Variants in KCTD14 observed in about 807,000 individuals in gnomAD.
The protein encoded by KCTD14 is BTB/POZ domain-containing protein KCTD14.
Under a neutral mutation model 5.9 loss-of-function variants are expected in KCTD14, and 7 were observed. The ratio of observed to expected loss-of-function variants is 1.19; its 90% CI spans 0.68 to 2.23. The LOEUF (loss-of-function observed/expected upper bound fraction) is 2.23. Among genes scored for constraint, KCTD14 ranks in the 30% most tolerant of loss-of-function variants. The pLI is 0.00. For missense variants in KCTD14, 342 were observed against 332.2 expected (o/e 1.03, Z -0.23); for synonymous variants, 140 against 133.1 (o/e 1.05, Z -0.36).
In KCTD14 at chr11:78,037,732, T is replaced by C. The variant is rs576326935; in HGVS notation, c.-1+932A>G. Reference sequence around the variant, plus strand: ...TGCTCGGGAGGCTGAGGCACGACAATCGCTTGAACCCGGGAGGCAGAGGTT... The same window carrying C: ...TGCTCGGGAGGCTGAGGCACGACAACCGCTTGAACCCGGGAGGCAGAGGTT... On this transcript the variant is annotated intron_variant, in intron 2 of 2. Coordinates refer to the KCTD14 transcript ENST00000533144. Among the ~76,000 whole-genome samples, 209 of 151,998 alleles carry C rather than the reference T, an allele frequency of 1.4e-3. 1 individual carries two copies. The highest frequency in any genetic ancestry group is 2.3e-3 in the Non-Finnish European group (158 of 67,958).
At chr11:78,034,290 T>C (rs1857724076) in intron 2 of KCTD14, among the ~76,000 whole-genome samples, 1 of 152,088 alleles carries the variant, frequency 6.6e-6, no homozygotes, top group Admixed American at 6.6e-5. Flanking sequence ...GCCTGGCTAG[T>C]TTTTAAATTT....
chr11:78,024,262 G>A (rs1857383410), upstream of KCTD14, among the ~76,000 whole-genome samples: 1 of 151,684 alleles, frequency 6.6e-6, no homozygotes, highest in Non-Finnish European at 1.5e-5. Context: ...GCATGTGCCT[G>A]TAATCCCAGA....
intron 1 of KCTD14, chr11:78,038,773 G>T (rs1365679721): frequency 4.6e-6 from 7 of 1,535,632 alleles, no homozygotes; most frequent in Admixed American, 3.9e-5. Context: ...AACAGAAAGA[G>T]AATTTCTTAG....
intron 2 of KCTD14, chr11:78,038,642 A>T (rs1278232915): frequency 6.5e-7 from 1 of 1,535,432 alleles, no homozygotes; most frequent in Admixed American, 2.0e-5. Flanking sequence ...CCTGGACCCA[A>T]GAGAGGGGGT....
chr11:78,036,247 G>A (rs890310003), intron 2 of KCTD14, among the ~76,000 whole-genome samples: 1 of 152,220 alleles, frequency 6.6e-6, no homozygotes, highest in Non-Finnish European at 1.5e-5. Flanking sequence ...ATCTATATGT[G>A]TTTCAAGTGT....
chr11:78,016,777 A>G lies in KCTD14; in HGVS notation c.584T>C (p.Phe195Ser), dbSNP rs1857175993. 6.2e-7 allele frequency: 1 copy of G among 1,613,970 alleles called. No individual in the cohort carries two copies. The highest frequency in any genetic ancestry group is 1.3e-5 in the African/African-American group (1 of 74,902). Residue 195 changes from phenylalanine (F) to serine (S), a missense_variant, in exon 2 of 2, where the codon TTC becomes TCC. Physicochemically the swap from Phe to Ser is radical, Grantham distance 155. Transcript: ENST00000353172. ...GGGCCCAAACTTGACAACAGACTTG[A>G]ACATCTTCTTATCCTGCAGAAAACA... The part of the protein sequence containing the change: ...VLCFLQDKKM[F>S]KSVVKFGPWK...
At chr11:78,020,278 C>A (rs910086825) in intron 1 of KCTD14, among the ~76,000 whole-genome samples, 2 of 152,164 alleles carry the variant, frequency 1.3e-5, no homozygotes, top group Non-Finnish European at 2.9e-5. Flanking sequence ...TCAGGAATGT[C>A]CCTCAGTCTG....
In KCTD14 at chr11:78,033,901, G is replaced by GTGTACATATATATATATATATATA; in HGVS notation, c.-1+4762_-1+4763insTATATATATATATATATATGTACA. Among the ~76,000 whole-genome samples, 3 of 115,604 alleles carry GTGTACATATATATATATATATATA rather than the reference G, an allele frequency of 2.6e-5. No individual in the cohort carries two copies. In the East Asian group the frequency reaches 7.7e-4, roughly 30 times the overall value. The allele number at this position is 115,604 out of a possible 152,430, so 75.8% of individuals were successfully genotyped here. A position where few individuals can be genotyped will look rare whatever the true frequency, so the allele number is the denominator to read the frequency against. ...ATAGTGTGTGTGTATGTGTGTGTGT[G>GTGTACATATATATATATATATATA]TATATATATATATACACACATTATA... On this transcript the variant is annotated intron_variant, in intron 2 of 2. Transcript: ENST00000533144.
At chr11:78,030,514 A>G (rs907217729) in intron 2 of KCTD14, among the ~76,000 whole-genome samples, 2 of 152,168 alleles carry the variant, frequency 1.3e-5, no homozygotes, top group Admixed American at 1.3e-4. Flanking sequence ...GCTTGATGCT[A>G]TGGCAACAAA....
Position 78,016,615 on chromosome 11 carries a change from G to T in KCTD14, c.746C>A (p.Ser249Ter). The change falls in exon 2 of 2, where the codon TCA becomes TAA. Residue 249 changes from serine (S) to a stop codon, truncating the protein, a stop_gained. Coordinates refer to ENST00000353172, the MANE Select transcript of KCTD14 (RefSeq NM_023930.4). LOFTEE classifies it high-confidence loss of function. Reference protein sequence around the residue: ...KRNEFHFNIYSFTFTWW With the variant: ...KRNEFHFNIY ...GGATCACCACCAGGTGAAGGTGAATGAATAAATGTTAAAATGGAATTCGTT... is the reference window on the plus strand; with the variant it reads ...GGATCACCACCAGGTGAAGGTGAATTAATAAATGTTAAAATGGAATTCGTT... The T allele has an allele frequency of 6.2e-7, 1 of 1,614,008 alleles. No individual in the cohort carries two copies. The highest frequency in any genetic ancestry group is 8.5e-7 in the Non-Finnish European group (1 of 1,179,860).
upstream of KCTD14, among the ~76,000 whole-genome samples, chr11:78,025,122 A>ATC (rs1857429673): frequency 8.8e-5 from 4 of 45,584 alleles, no homozygotes; most frequent in Non-Finnish European, 1.5e-4. Flanking sequence ...GTGTGTGTAT[A>ATC]TATATATATA....
intron 2 of KCTD14, among the ~76,000 whole-genome samples, chr11:78,034,282 C>T (rs1857723845): frequency 6.6e-6 from 1 of 152,158 alleles, no homozygotes; most frequent in East Asian, 1.9e-4. Flanking sequence ...AGCACCATGC[C>T]TGGCTAGTTT....
chr11:78,032,854 T>A (rs11237366), intron 2 of KCTD14, among the ~76,000 whole-genome samples: 62,991 of 151,196 alleles, frequency 0.42, 13,354 homozygotes, highest in African/African-American at 0.52. Context: ...AATTTTTAAA[T>A]TTTTTTTATA....
intron 1 of KCTD14, among the ~76,000 whole-genome samples, chr11:78,039,924 T>G (rs1357593869): frequency 2.6e-5 from 4 of 152,186 alleles, no homozygotes; most frequent in African/African-American, 9.7e-5. Context: ...TCTGTATTTT[T>G]TCTCTCTTTC....
Position 78,016,476 on chromosome 11 carries a change from T to G in KCTD14, c.*117A>C. 1 of 886,558 alleles carries G rather than the reference T, an allele frequency of 1.1e-6. No homozygotes were observed. 54.9% of individuals were successfully genotyped at this position (886,558 alleles called of 1,614,324 possible). On this transcript the variant is annotated 3_prime_UTR_variant, in exon 2 of 2. Transcript: ENST00000353172. Reference sequence around the variant, plus strand: ...AGTGATCAATATTTAGTGGCAAGACTCTAGACCAACCCTGGAAATTGCCTG... The same window carrying G: ...AGTGATCAATATTTAGTGGCAAGACGCTAGACCAACCCTGGAAATTGCCTG...
chr11:78,024,859 C>T (rs182414688), upstream of KCTD14, among the ~76,000 whole-genome samples: 2 of 151,568 alleles, frequency 1.3e-5, no homozygotes, highest in South Asian at 2.1e-4. Context: ...GCAGAAGAAT[C>T]GCTTGAACCT....
At chr11:78,024,441 CACACAT>C (rs1565311539), upstream of KCTD14, among the ~76,000 whole-genome samples, 2 of 63,622 alleles carry the variant, frequency 3.1e-5, no homozygotes, top group African/African-American at 8.1e-5. Context: ...CACACACACA[CACACAT>C]ATATATATAT....
At position 78,016,697 on chromosome 11, in the gene KCTD14, T is replaced by C. The variant is rs750414319; in HGVS notation, c.664A>G (p.Lys222Glu). Residue 222 changes from lysine to glutamate, a missense_variant, in exon 2 of 2, where the codon AAG becomes GAG. Transcript: ENST00000353172. ...GAGAATACCTTGTACCCCTGGGCCTTAATGTCCATCTCCAGGCAGTGCATG... is the reference window on the plus strand; with the variant it reads ...GAGAATACCTTGTACCCCTGGGCCTCAATGTCCATCTCCAGGCAGTGCATG... ...DLMHCLEMDI[K>E]AQGYKVFSKF... The C allele has an allele frequency of 2.5e-6, 4 of 1,614,204 alleles. No individual in the cohort carries two copies. The South Asian group carries it at 4.4e-5, about 18-fold the overall frequency.
At chr11:78,044,006 C>A (rs1425739041) in intron 1 of KCTD14, among the ~76,000 whole-genome samples, 3 of 152,182 alleles carry the variant, frequency 2.0e-5, no homozygotes, top group Admixed American at 2.0e-4. Flanking sequence ...ACCTAGGATT[C>A]CCCAGAAGGG....
Sources: allele counts gnomAD v4.1 joint callset (sites outside exome capture counted in the v4.1 genomes callset), GRCh38; gene constraint gnomAD v4.1.1; transcripts MANE v1.5; gene names NCBI Gene and HGNC (gene_info 2026-07-23, HGNC 2026-07-21).